The following ARFGEF1 variants were observed in gnomAD, a reference collection of about 807,000 sequenced individuals.
ARFGEF1 encodes ARF guanine nucleotide exchange factor 1, also known as brefeldin A-inhibited guanine nucleotide-exchange protein 1.
In ARFGEF1, 42 loss-of-function variants were observed where a neutral mutation model predicts 231.0. The observed-to-expected ratio is 0.18, with a 90% CI of 0.14 to 0.24. The LOEUF (loss-of-function observed/expected upper bound fraction) is 0.24, where lower values mean the gene tolerates loss of function less well. ARFGEF1 is among the 10% of genes least tolerant of loss of function. ARFGEF1 has a pLI of 1.00. For missense variants in ARFGEF1, 1,345 were observed against 2,192.0 expected, an observed-to-expected ratio of 0.61 and a Z score of 7.72; for synonymous variants, 710 against 732.3, an observed-to-expected ratio of 0.97 and a Z score of 0.49.
At chr8:67,188,380 T>TTGTAACACAGGGCTTGTAA (rs1249543044) in intron 5 of ARFGEF1, among the ~76,000 whole-genome samples, 1 of 152,138 alleles carries the variant, frequency 6.6e-6, no homozygotes, top group Non-Finnish European at 1.5e-5. Flanking sequence ...GTAACTCAGC[T>TTGTAACACAGGGCTTGTAA]CACACCCAAC....
rs185513243 is a variant in ARFGEF1 at position 67,306,258 on chromosome 8, G to A, written c.125-3792C>T. Among the ~76,000 whole-genome samples, 5 of 152,322 alleles carry A rather than the reference G, an allele frequency of 3.3e-5. No individual in the cohort carries two copies. The East Asian group carries it at 9.6e-4, about 29-fold the overall frequency. ...GGCTACTATGTGACTAAATGGGAAG[G>A]TAGCTTATAGAGCATGGAGACACTG... On this transcript the variant is annotated intron_variant, in intron 1 of 38. Coordinates refer to ENST00000262215, the MANE Select transcript of ARFGEF1 (RefSeq NM_006421.5).
intron 1 of ARFGEF1, among the ~76,000 whole-genome samples, chr8:67,329,742 C>T (rs967609233): frequency 6.6e-6 from 1 of 151,532 alleles, no homozygotes; most frequent in African/African-American, 2.4e-5. Context: ...CATTAATTTA[C>T]TAAATCAATA....
intron 14 of ARFGEF1, among the ~76,000 whole-genome samples, chr8:67,265,730 A>G (rs1389651579): frequency 6.6e-6 from 1 of 152,140 alleles, no homozygotes; most frequent in Non-Finnish European, 1.5e-5. Flanking sequence ...GGATGTCATG[A>G]GCTAAACAGT....
intron 1 of ARFGEF1, among the ~76,000 whole-genome samples, chr8:67,321,140 A>T (rs1476869762): frequency 1.4e-5 from 2 of 146,406 alleles, no homozygotes; most frequent in African/African-American, 5.1e-5. Flanking sequence ...TAGGTATGTG[A>T]GAAATGGTGT....
At chr8:67,324,506 T>C (rs1807740708) in intron 1 of ARFGEF1, among the ~76,000 whole-genome samples, 1 of 152,172 alleles carries the variant, frequency 6.6e-6, no homozygotes, top group South Asian at 2.1e-4. Flanking sequence ...AAGCCTGAAG[T>C]CCAGAGTGAT....
intron 1 of ARFGEF1, among the ~76,000 whole-genome samples, chr8:67,331,083 A>G (rs548068562): frequency 4.6e-5 from 7 of 152,292 alleles, no homozygotes; most frequent in African/African-American, 1.7e-4. Context: ...ATTAAGAAAC[A>G]ACGAAGACTA....
intron 29 of ARFGEF1, among the ~76,000 whole-genome samples, chr8:67,220,457 A>C (rs1281557981): frequency 1.3e-5 from 2 of 152,232 alleles, no homozygotes; most frequent in East Asian, 3.8e-4. Context: ...CAAACGTAGT[A>C]GATGGCTCAT....
chr8:67,225,901 C>T (rs1839356524), intron 28 of ARFGEF1, 122 bp downstream of exon 28: 3 of 990,026 alleles, frequency 3.0e-6, no homozygotes, highest in African/African-American at 3.3e-5. Flanking sequence ...TCAGGCTGCT[C>T]AGATTATTTT....
rs1335262651 is a variant in ARFGEF1, at chr8:67,240,332, AAC to A, written c.2851-44_2851-43del. ...TTGTATTTTAATTAAAGATTATGAT[AAC>A]ACATTAAAATTTCTCAAATCTTTTA... is the stretch of plus-strand genomic sequence containing the variant. On this transcript the variant is annotated intron_variant, in intron 19 of 38. Transcript: ENST00000262215. The A allele has an allele frequency of 4.6e-6, 7 of 1,507,548 alleles. No homozygotes were observed. The Middle Eastern group carries it at 5.2e-4, about 113-fold the overall frequency. The allele number at this position is 1,507,548 out of a possible 1,614,324, so 93.4% of individuals were successfully genotyped here.
At chr8:67,294,528 A>G (rs917299657) in intron 5 of ARFGEF1, among the ~76,000 whole-genome samples, 5 of 152,192 alleles carry the variant, frequency 3.3e-5, no homozygotes, top group African/African-American at 1.2e-4. Flanking sequence ...ACTGGTAATG[A>G]TTAGCAATTC....
At position 67,198,736 on chromosome 8, in the gene ARFGEF1, G is replaced by C; in HGVS notation, c.*198C>G. 1 of 1,361,804 alleles carries C rather than the reference G, an allele frequency of 7.3e-7. No individual in the cohort carries two copies. Among genetic ancestry groups the C allele is most frequent in the African/African-American group, 1.5e-5 (1 of 66,384 alleles). The allele number at this position is 1,361,804 out of a possible 1,614,324, so 84.4% of individuals were successfully genotyped here. A position where few individuals can be genotyped will look rare whatever the true frequency, so the allele number is the denominator to read the frequency against. Reference sequence around the variant, plus strand: ...TAAACAGGCTTTCTGCTCAACATGAGGCCAATATAACACACAAAATCCACC... The same window carrying C: ...TAAACAGGCTTTCTGCTCAACATGACGCCAATATAACACACAAAATCCACC... On this transcript the variant is annotated 3_prime_UTR_variant, in exon 39 of 39. Coordinates refer to ENST00000262215, the MANE Select transcript of ARFGEF1 (RefSeq NM_006421.5).
At chr8:67,204,898 G>T in intron 34 of ARFGEF1, 79 bp from the exon 35 acceptor site, 1 of 1,532,786 alleles carries the variant, frequency 6.5e-7, no homozygotes, top group Non-Finnish European at 8.9e-7. Flanking sequence ...ATATTACAAT[G>T]CTAAGGAAAC....
intron 21 of ARFGEF1, 58 bp from the exon 22 acceptor site, chr8:67,238,551 A>T: frequency 6.6e-7 from 1 of 1,514,914 alleles, no homozygotes; most frequent in Non-Finnish European, 8.9e-7. Context: ...CTTCAAAAAG[A>T]TTTAAATATA....
intron 1 of ARFGEF1, among the ~76,000 whole-genome samples, chr8:67,321,263 AAAAG>A (rs1242436176): frequency 1.3e-5 from 2 of 152,184 alleles, no homozygotes; most frequent in Non-Finnish European, 2.9e-5. Context: ...TGTACAGTAA[AAAAG>A]AAAGTCAAAT....
chr8:67,175,327 G>A, downstream of ARFGEF1: 1 of 1,612,950 alleles, frequency 6.2e-7, no homozygotes, highest in South Asian at 1.1e-5. Flanking sequence ...TGAAATTTAT[G>A]TACCTGGATC....
At chr8:67,317,507 G>T (rs750534013) in intron 1 of ARFGEF1, among the ~76,000 whole-genome samples, 2 of 150,094 alleles carry the variant, frequency 1.3e-5, no homozygotes, top group Non-Finnish European at 3.0e-5. Context: ...CATGAATATA[G>T]ACGCAAAAAT....
chr8:67,216,553 T>C (rs1838940411), intron 33 of ARFGEF1, 37 bp downstream of exon 33: 1 of 1,544,866 alleles, frequency 6.5e-7, no homozygotes, highest in Non-Finnish European at 8.8e-7. Flanking sequence ...TCATCACAAA[T>C]AACTAATTTC....
At position 67,286,048 on chromosome 8, in the gene ARFGEF1, A is replaced by G. The variant is rs1163384808; in HGVS notation, c.1027+1907T>C. Among the ~76,000 whole-genome samples the G allele has an allele frequency of 2.6e-5, 4 of 152,330 alleles. No individual in the cohort carries two copies. The East Asian group carries it at 7.7e-4, about 29-fold the overall frequency. On this transcript the variant is annotated intron_variant, in intron 7 of 38. Transcript: ENST00000262215. ...TGGGAACACTGAAAAATATATGTATATTAGATATTCTTGAAATCGTGTTAA... is the reference window on the plus strand; with the variant it reads ...TGGGAACACTGAAAAATATATGTATGTTAGATATTCTTGAAATCGTGTTAA...
At chr8:67,179,228 T>C (rs1832417939) in intron 5 of ARFGEF1, among the ~76,000 whole-genome samples, 1 of 152,190 alleles carries the variant, frequency 6.6e-6, no homozygotes, top group East Asian at 1.9e-4. Flanking sequence ...GAGCTCATTA[T>C]AATAAGCCCA....
Sources: gnomAD v4.1 joint callset for allele counts (sites outside exome capture counted in the v4.1 genomes callset) on GRCh38, gnomAD v4.1.1 for gene constraint, MANE v1.5 for transcripts, NCBI Gene and HGNC (gene_info 2026-07-23, HGNC 2026-07-21) for gene names.